The following PPP1R9A variants were observed in gnomAD, a reference collection of about 807,000 sequenced individuals.
PPP1R9A encodes the protein protein phosphatase 1 regulatory subunit 9A.
PPP1R9A carries 59 observed loss-of-function variants against 141.9 expected under a neutral mutation model. The ratio of observed to expected loss-of-function variants is 0.42; its 90% CI spans 0.34 to 0.52. The LOEUF is 0.52. PPP1R9A is among the 20% of genes least tolerant of loss of function. The probability of loss-of-function intolerance (pLI) is 0.10; values close to 1 mark genes in which losing one functional copy is unlikely to be tolerated. For missense variants in PPP1R9A, 1,444 were observed against 1,611.9 expected (o/e 0.90, Z 1.78); for synonymous variants, 500 against 569.7 (o/e 0.88, Z 1.74).
At chr7:94,950,476 T>G (rs1332795808) in intron 2 of PPP1R9A, among the ~76,000 whole-genome samples, 1 of 152,076 alleles carries the variant, frequency 6.6e-6, no homozygotes, top group Non-Finnish European at 1.5e-5. Flanking sequence ...CCCTTTGTTC[T>G]TCTGTGTAAT....
At chr7:95,087,143 C>A (rs1816736850) in intron 2 of PPP1R9A, among the ~76,000 whole-genome samples, 1 of 151,924 alleles carries the variant, frequency 6.6e-6, no homozygotes, top group African/African-American at 2.4e-5. Flanking sequence ...TCTGAGAAGC[C>A]ACCTAACACA....
intron 4 of PPP1R9A, among the ~76,000 whole-genome samples, chr7:95,139,488 C>T (rs1402287513): frequency 1.3e-5 from 2 of 152,116 alleles, no homozygotes; most frequent in African/African-American, 4.8e-5. Flanking sequence ...GTGCTTTTGC[C>T]TCATGTCTTC....
intron 5 of PPP1R9A, among the ~76,000 whole-genome samples, chr7:95,184,869 G>C (rs1229782480): frequency 6.6e-6 from 1 of 151,694 alleles, no homozygotes; most frequent in Non-Finnish European, 1.5e-5. Context: ...TCCACTCATT[G>C]ATAGATGGCA....
At chr7:95,210,231 C>T (rs1191758828) in intron 7 of PPP1R9A, among the ~76,000 whole-genome samples, 1 of 152,052 alleles carries the variant, frequency 6.6e-6, no homozygotes, top group African/African-American at 2.4e-5. Context: ...TCACAAGCAG[C>T]TTATTTTGCT....
intron 7 of PPP1R9A, among the ~76,000 whole-genome samples, chr7:95,221,272 A>G (rs1009893130): frequency 1.3e-5 from 2 of 152,084 alleles, no homozygotes; most frequent in African/African-American, 4.8e-5. Flanking sequence ...ATGCTAAGGA[A>G]CTGTTTTGTC....
At chr7:95,132,511 G>A (rs1824841722) in intron 4 of PPP1R9A, among the ~76,000 whole-genome samples, 1 of 152,166 alleles carries the variant, frequency 6.6e-6, no homozygotes, top group Non-Finnish European at 1.5e-5. Context: ...TGAACCAACT[G>A]TCATGGCTTT....
intron 2 of PPP1R9A, among the ~76,000 whole-genome samples, chr7:95,071,776 G>C (rs1813848533): frequency 2.0e-5 from 3 of 151,858 alleles, no homozygotes. Flanking sequence ...AAGCATGTTT[G>C]TTTTAGAAAA....
intron 13 of PPP1R9A, 84 bp from the exon 14 acceptor site, chr7:95,269,123 A>C (rs577390246): frequency 7.6e-7 from 1 of 1,308,164 alleles, no homozygotes; most frequent in African/African-American, 1.5e-5. Context: ...TCACTAATAA[A>C]AGGTTGGTCT....
chr7:95,263,004 T>C (rs1800666641), intron 12 of PPP1R9A, among the ~76,000 whole-genome samples: 1 of 152,062 alleles, frequency 6.6e-6, no homozygotes, highest in Non-Finnish European at 1.5e-5. Context: ...TAGGCCAAAT[T>C]ATCTGGCAGT....
intron 5 of PPP1R9A, among the ~76,000 whole-genome samples, chr7:95,185,175 A>G (rs538746306): frequency 1.5e-4 from 23 of 151,116 alleles, no homozygotes; most frequent in Admixed American, 1.2e-3. Flanking sequence ...TTCCCTTTTC[A>G]CCACATCCAT....
chr7:95,069,926 T>C (rs1239739503), intron 2 of PPP1R9A, among the ~76,000 whole-genome samples: 1 of 152,192 alleles, frequency 6.6e-6, no homozygotes, highest in Middle Eastern at 3.2e-3. Flanking sequence ...TACTACTATA[T>C]GCTGTTCATG....
chr7:95,015,930 G>C (rs557336126), intron 2 of PPP1R9A, among the ~76,000 whole-genome samples: 24 of 152,134 alleles, frequency 1.6e-4, no homozygotes, highest in Admixed American at 1.2e-3. Context: ...GTGTGTGCCT[G>C]TAGGCCTAGC....
intron 2 of PPP1R9A, among the ~76,000 whole-genome samples, chr7:95,089,212 A>G (rs1273314270): frequency 6.6e-6 from 1 of 152,098 alleles, no homozygotes; most frequent in Non-Finnish European, 1.5e-5. Flanking sequence ...CTACTTTACA[A>G]TGACTACTAC....
intron 2 of PPP1R9A, among the ~76,000 whole-genome samples, chr7:95,033,171 ATTTTTTTTT>A (rs10709825): frequency 0.05 from 5,173 of 103,820 alleles, 172 homozygotes; most frequent in Middle Eastern, 0.14. Context: ...TGCCTGGCTA[ATTTTTTTTT>A]TTTTTTTTTT....
chr7:95,031,763 CAAAA>C (rs778376536), intron 2 of PPP1R9A, among the ~76,000 whole-genome samples: 3 of 70,162 alleles, frequency 4.3e-5, no homozygotes, highest in Admixed American at 1.6e-4. Flanking sequence ...GATTCAGTTT[CAAAA>C]AAAAAAAAAA....
At chr7:95,274,200 T>C in intron 16 of PPP1R9A, 32 bp downstream of exon 16, 1 of 1,479,388 alleles carries the variant, frequency 6.8e-7, no homozygotes, top group Non-Finnish European at 9.1e-7. Flanking sequence ...CACGTGTATT[T>C]CTATACCTAA....
At position 95,274,111 on chromosome 7, in the gene PPP1R9A, A is replaced by G. The variant is rs573178463; in HGVS notation, c.3239A>G (p.Lys1080Arg). 2.0e-5 allele frequency: 31 copies of G among 1,584,592 alleles called. No individual in the cohort carries two copies. The African/African-American group carries it at 3.7e-4, about 19-fold the overall frequency. Reference sequence around the variant, plus strand: ...GCGCCTTTGCGAAGGAATTCCAGCAAGGGAAAGAAGTGGAAAGAAAAAGAA... The same window carrying G: ...GCGCCTTTGCGAAGGAATTCCAGCAGGGGAAAGAAGTGGAAAGAAAAAGAA... Reference protein sequence around the residue: ...LGAPLRRNSSKGKKWKEKEKE... With the variant: ...LGAPLRRNSSRGKKWKEKEKE... The change falls in exon 16 of 20, where the codon AAG becomes AGG. Residue 1080 changes from lysine to arginine, a missense_variant. By Grantham distance (26) the Lys-to-Arg change is conservative (BLOSUM62 2). Around this residue, in one of 5 missense-constraint regions of PPP1R9A, gnomAD observed 459 missense variants for 513.8 expected, o/e 0.89. Transcript: ENST00000433360.
chr7:95,104,112 A>G (rs2152415205), intron 2 of PPP1R9A, among the ~76,000 whole-genome samples: 1 of 152,364 alleles, frequency 6.6e-6, no homozygotes, highest in South Asian at 2.1e-4. Flanking sequence ...ATAATTGGTG[A>G]AATGAATGAT....
At chr7:95,117,205 G>T (rs903460864) in intron 3 of PPP1R9A, among the ~76,000 whole-genome samples, 5 of 151,876 alleles carry the variant, frequency 3.3e-5, no homozygotes, top group Non-Finnish European at 7.4e-5. Flanking sequence ...TCATTTTATG[G>T]CTGTTTTGCC....
Sources: allele counts gnomAD v4.1 joint callset (sites outside exome capture counted in the v4.1 genomes callset), GRCh38; gene constraint gnomAD v4.1.1; regional missense constraint gnomAD v4.1.1; transcripts MANE v1.5; gene names NCBI Gene and HGNC (gene_info 2026-07-23, HGNC 2026-07-21).